ATP2B2: variants seen among roughly 807,000 people sequenced by gnomAD.
ATP2B2 encodes plasma membrane calcium-transporting ATPase 2.
ATP2B2 carries 15 observed loss-of-function variants against 120.0 expected under a neutral mutation model. The ratio of observed to expected loss-of-function variants is 0.12; its 90% CI spans 0.08 to 0.19. The LOEUF is 0.19. Ranked by LOEUF, ATP2B2 falls within the 10% of genes least tolerant of loss-of-function variation. The probability of loss-of-function intolerance (pLI) is 1.00; values close to 1 mark genes in which losing one functional copy is unlikely to be tolerated. For missense variants in ATP2B2, 1,045 were observed against 1,719.8 expected, an observed-to-expected ratio of 0.61 and a Z score of 6.94; for synonymous variants, 694 against 700.3, an observed-to-expected ratio of 0.99 and a Z score of 0.14.
chr3:10,582,567 G>A (rs533737307), intron 2 of ATP2B2, among the ~76,000 whole-genome samples: 20 of 152,380 alleles, frequency 1.3e-4, no homozygotes, highest in African/African-American at 4.1e-4. Context: ...AATCCTGCAC[G>A]TGTGGTTGGG....
chr3:10,666,148 C>T (rs983635539), intron 1 of ATP2B2, among the ~76,000 whole-genome samples: 1 of 152,154 alleles, frequency 6.6e-6, no homozygotes, highest in Non-Finnish European at 1.5e-5. Context: ...CACGGAGTCC[C>T]CAAATACACT....
chr3:10,356,142 TTGTGCGTG>T (rs200103807), intron 14 of ATP2B2, among the ~76,000 whole-genome samples: 16 of 61,258 alleles, frequency 2.6e-4, no homozygotes, highest in South Asian at 2.9e-3. Flanking sequence ...GTCCTTTCCT[TTGTGCGTG>T]TGTGCGTGTG....
chr3:10,646,342 C>T (rs1298802752), intron 1 of ATP2B2, among the ~76,000 whole-genome samples: 1 of 152,124 alleles, frequency 6.6e-6, no homozygotes, highest in Non-Finnish European at 1.5e-5. Context: ...GAATCCTTTC[C>T]TCTCTTCCTG....
intron 12 of ATP2B2, among the ~76,000 whole-genome samples, chr3:10,363,085 C>T (rs920070077): frequency 6.6e-6 from 1 of 152,128 alleles, no homozygotes; most frequent in Admixed American, 6.5e-5. Context: ...ATTTTATTAC[C>T]CTCTGTGAAA....
At chr3:10,349,431 G>C (rs967787128) in intron 16 of ATP2B2, among the ~76,000 whole-genome samples, 2 of 151,984 alleles carry the variant, frequency 1.3e-5, no homozygotes, top group Non-Finnish European at 2.9e-5. Flanking sequence ...CTCTAGCTTG[G>C]GTGACAGAGG....
chr3:10,404,852 G>T (rs2062357060), intron 3 of ATP2B2, among the ~76,000 whole-genome samples: 2 of 152,194 alleles, frequency 1.3e-5, no homozygotes. Flanking sequence ...GGGGGAAGGA[G>T]TGGGATTACA....
chr3:10,340,401 C>G lies in ATP2B2; in HGVS notation c.3130-52G>C, dbSNP rs755473567. 3.7e-6 allele frequency: 6 copies of G among 1,611,874 alleles called. No individual in the cohort carries two copies. In the African/African-American group the frequency reaches 6.7e-5, roughly 18 times the overall value. On this transcript the variant is annotated intron_variant, in intron 20 of 22. Transcript: ENST00000360273. This position sits in a 1 kb window ranked among gnomAD's most constrained non-coding sequence, Gnocchi z 5.0. ...GAGAGAGAGAGAGGCCATCAGGGAC[C>G]AGCACAGAGGGCTGGGCTCTCAGGG...
At chr3:10,531,089 T>G (rs1373922845) in intron 3 of ATP2B2, among the ~76,000 whole-genome samples, 1 of 152,176 alleles carries the variant, frequency 6.6e-6, no homozygotes, top group Non-Finnish European at 1.5e-5. Flanking sequence ...TCGAGCTGCT[T>G]TGTGGTTGGA....
At chr3:10,455,381 T>C (rs1224148291) in intron 1 of ATP2B2, among the ~76,000 whole-genome samples, 2 of 152,210 alleles carry the variant, frequency 1.3e-5, no homozygotes, top group African/African-American at 4.8e-5. Flanking sequence ...CCAAATATCA[T>C]GTGACCTACC....
At chr3:10,459,078 G>T (rs1331999198) in intron 1 of ATP2B2, among the ~76,000 whole-genome samples, 1 of 152,200 alleles carries the variant, frequency 6.6e-6, no homozygotes, top group Non-Finnish European at 1.5e-5. Flanking sequence ...CATCCCAGTT[G>T]CAGGTCAAGT....
intron 1 of ATP2B2, among the ~76,000 whole-genome samples, chr3:10,670,057 A>G (rs528592726): frequency 2.6e-4 from 40 of 152,326 alleles, no homozygotes; most frequent in African/African-American, 8.4e-4. Flanking sequence ...GAAAGATTTG[A>G]GAATTTGAGA....
At chr3:10,529,719 T>C (rs1019441354) in intron 3 of ATP2B2, among the ~76,000 whole-genome samples, 4 of 152,324 alleles carry the variant, frequency 2.6e-5, no homozygotes, top group African/African-American at 9.6e-5. Context: ...TACCCCAGAA[T>C]GTGAGGTACA....
At chr3:10,559,845 C>T (rs188404202) in intron 2 of ATP2B2, among the ~76,000 whole-genome samples, 1 of 152,316 alleles carries the variant, frequency 6.6e-6, no homozygotes, top group East Asian at 1.9e-4. Context: ...CCGGGTATTC[C>T]ATTTCCAGAG....
At chr3:10,688,806 G>T (rs116666869) in intron 1 of ATP2B2, among the ~76,000 whole-genome samples, 2 of 152,152 alleles carry the variant, frequency 1.3e-5, no homozygotes, top group Non-Finnish European at 2.9e-5. Context: ...GGAATTCCTC[G>T]CTTGACTGAG....
At chr3:10,410,227 T>C (rs1294202497) in intron 3 of ATP2B2, among the ~76,000 whole-genome samples, 1 of 152,166 alleles carries the variant, frequency 6.6e-6, no homozygotes, top group Non-Finnish European at 1.5e-5. Flanking sequence ...TGGTGATTTG[T>C]GGGAATTTGG....
intron 2 of ATP2B2, among the ~76,000 whole-genome samples, chr3:10,615,168 C>T (rs1326565426): frequency 6.6e-6 from 1 of 152,068 alleles, no homozygotes; most frequent in African/African-American, 2.4e-5. Flanking sequence ...AGCCTCAGGA[C>T]ATCAGGAAGC....
chr3:10,573,249 T>A (rs2068168126), intron 2 of ATP2B2, among the ~76,000 whole-genome samples: 1 of 152,064 alleles, frequency 6.6e-6, no homozygotes, highest in Non-Finnish European at 1.5e-5. Context: ...CTGCTACACA[T>A]TAGTAATGCA....
intron 1 of ATP2B2, among the ~76,000 whole-genome samples, chr3:10,470,900 G>A (rs949325996): frequency 6.6e-6 from 1 of 152,154 alleles, no homozygotes; most frequent in African/African-American, 2.4e-5. Flanking sequence ...AGGTTGCTAT[G>A]GCGACAGCAC....
At chr3:10,603,028 A>C (rs2068965643) in intron 2 of ATP2B2, among the ~76,000 whole-genome samples, 1 of 152,138 alleles carries the variant, frequency 6.6e-6, no homozygotes, top group Non-Finnish European at 1.5e-5. Flanking sequence ...GCCCTATTTA[A>C]GGCCATCCTT....
Sources: gnomAD v4.1 joint callset for allele counts (sites outside exome capture counted in the v4.1 genomes callset) on GRCh38, gnomAD v4.1.1 for gene constraint, Gnocchi (gnomAD v3.1) non-coding constraint, MANE v1.5 for transcripts, NCBI Gene and HGNC (gene_info 2026-07-23, HGNC 2026-07-21) for gene names.